The following CDH23 variants were observed in gnomAD, a reference collection of about 807,000 sequenced individuals.
CDH23 encodes the protein cadherin related 23.
A neutral mutation model predicts 317.1 loss-of-function variants in CDH23; 189 were observed. That is an observed-to-expected ratio of 0.60 (90% CI 0.53 to 0.67). The LOEUF is 0.67. Ranked by LOEUF, CDH23 falls within the 30% of genes least tolerant of loss-of-function variation. CDH23 has a pLI of 0.00. For missense variants in CDH23, 4,401 were observed against 4,592.4 expected (o/e 0.96, Z 1.20); for synonymous variants, 1,839 against 1,876.8 (o/e 0.98, Z 0.52).
In CDH23 at chr10:71,688,577, G is replaced by A. The variant is rs576395253; in HGVS notation, c.2059+858G>A. On this transcript the variant is annotated intron_variant, in intron 19 of 69. Transcript: ENST00000224721. ...CAGGGATGGTGGAGCCAGGGGTTGT[G>A]GAGTCAGGGGTGGTGGAGTCAGGGG... 4.0e-3 allele frequency among the ~76,000 whole-genome samples: 596 copies of A among 147,610 alleles called. 4 individuals are homozygous for A. The highest frequency in any genetic ancestry group is 0.014 in the African/African-American group (558 of 39,698).
intron 14 of CDH23, among the ~76,000 whole-genome samples, chr10:71,660,471 T>G (rs1665619): frequency 0.38 from 57,050 of 151,862 alleles, 11,167 homozygotes; most frequent in South Asian, 0.55. Context: ...TGGTCCCAGG[T>G]GGTTGCCAGA....
intron 6 of CDH23, among the ~76,000 whole-genome samples, chr10:71,565,151 C>A (rs1409031777): frequency 6.6e-6 from 1 of 151,620 alleles, no homozygotes; most frequent in Non-Finnish European, 1.5e-5. Flanking sequence ...AGAGAGAGGG[C>A]AGGACAGAGA....
chr10:71,799,433 G>C lies in CDH23; in HGVS notation c.7225-59G>C, dbSNP rs1387552103. The C allele has an allele frequency of 1.9e-6, 3 of 1,612,314 alleles. No individual in the cohort carries two copies. In the East Asian group the frequency reaches 6.7e-5, roughly 36 times the overall value. On this transcript the variant is annotated intron_variant, in intron 51 of 69. Transcript: ENST00000224721. ...GCCTGCATCAGTGAGTTCTAGGGCT[G>C]TGCTCGGGCTCTGGGACTGACCTTG...
chr10:71,420,281 G>A (rs1386260076), intron 1 of CDH23, among the ~76,000 whole-genome samples: 2 of 151,682 alleles, frequency 1.3e-5, no homozygotes, highest in Admixed American at 1.3e-4. Flanking sequence ...GGAATCCAGT[G>A]AAACTCTTCT....
intron 38 of CDH23, among the ~76,000 whole-genome samples, chr10:71,776,432 G>A (rs9415997): frequency 0.19 from 28,266 of 152,160 alleles, 2,740 homozygotes; most frequent in Middle Eastern, 0.31. Flanking sequence ...GCCTAGTCAC[G>A]TTCTCTCTAC....
At chr10:71,514,394 G>A (rs1001540158) in intron 6 of CDH23, among the ~76,000 whole-genome samples, 2 of 152,198 alleles carry the variant, frequency 1.3e-5, no homozygotes, top group African/African-American at 2.4e-5. Context: ...GTGCTGAGGG[G>A]TAGCCAATCT....
intron 11 of CDH23, among the ~76,000 whole-genome samples, chr10:71,625,708 TTGCGTTCCTGGC>T (rs1384638742): frequency 6.6e-6 from 1 of 152,204 alleles, no homozygotes; most frequent in African/African-American, 2.4e-5. Context: ...TCTGCAAAGG[TTGCGTTCCTGGC>T]TGCAGGCTTC....
rs536077961 is a variant in CDH23 at position 71,408,389 on chromosome 10, A to G, written c.-6+11071A>G. 2.5e-3 allele frequency among the ~76,000 whole-genome samples: 367 copies of G among 146,326 alleles called. 2 individuals carry two copies. The highest frequency in any genetic ancestry group is 0.014 in the Middle Eastern group (4 of 288). Reference sequence around the variant, plus strand: ...AGAAGAAGAGAGAGAGAGAGAGAGAAAGAGAGAGAATTGCATCTCCTTAGG... The same window carrying G: ...AGAAGAAGAGAGAGAGAGAGAGAGAGAGAGAGAGAATTGCATCTCCTTAGG... On this transcript the variant is annotated intron_variant, in intron 1 of 69. Coordinates refer to ENST00000224721, the MANE Select transcript of CDH23 (RefSeq NM_022124.6).
At chr10:71,647,852 C>T (rs1330250163) in intron 14 of CDH23, 1 of 152,238 alleles carries the variant, frequency 6.6e-6, no homozygotes. Context: ...ATGTGTGCTA[C>T]ACAAGCTCAG....
At chr10:71,690,969 T>A (rs1865165562) in intron 20 of CDH23, among the ~76,000 whole-genome samples, 1 of 152,200 alleles carries the variant, frequency 6.6e-6, no homozygotes, top group East Asian at 1.9e-4. Flanking sequence ...GATGTGTGCC[T>A]CAGTTTCCCC....
At chr10:71,557,575 T>A (rs1856932396) in intron 6 of CDH23, among the ~76,000 whole-genome samples, 1 of 152,230 alleles carries the variant, frequency 6.6e-6, no homozygotes, top group African/African-American at 2.4e-5. Context: ...TTCAGTAATT[T>A]TCAGAAAAAA....
At chr10:71,427,738 A>G (rs2131971793) in intron 1 of CDH23, among the ~76,000 whole-genome samples, 1 of 140,130 alleles carries the variant, frequency 7.1e-6, no homozygotes, top group African/African-American at 2.7e-5. Flanking sequence ...TTTTAGATGG[A>G]GTCTCACTCT....
intron 8 of CDH23, among the ~76,000 whole-genome samples, chr10:71,572,327 G>T (rs1400888589): frequency 2.0e-5 from 3 of 152,128 alleles, no homozygotes; most frequent in Non-Finnish European, 4.4e-5. Context: ...TACCTTCTCA[G>T]CATCAGGTCA....
intron 6 of CDH23, among the ~76,000 whole-genome samples, chr10:71,559,459 G>A (rs527506109): frequency 5.9e-5 from 9 of 152,314 alleles, no homozygotes; most frequent in East Asian, 1.9e-4. Context: ...AGGAAGAGGA[G>A]GGTGAAGAGT....
chr10:71,604,744 T>C (rs903078062), intron 9 of CDH23, among the ~76,000 whole-genome samples: 1 of 152,222 alleles, frequency 6.6e-6, no homozygotes, highest in East Asian at 1.9e-4. Context: ...TCCTGCAGAA[T>C]CTTCCAGGGC....
At chr10:71,558,082 C>T (rs1165137064) in intron 6 of CDH23, among the ~76,000 whole-genome samples, 4 of 60,354 alleles carry the variant, frequency 6.6e-5, no homozygotes, top group Middle Eastern at 0.015. Flanking sequence ...ACTGCAACAT[C>T]TCCCTCCTGG....
At chr10:71,648,173 C>A (rs892874605) in intron 14 of CDH23, among the ~76,000 whole-genome samples, 9 of 152,210 alleles carry the variant, frequency 5.9e-5, no homozygotes, top group Non-Finnish European at 1.0e-4. Context: ...GCGTCTCTAG[C>A]CCATGACTCC....
At chr10:71,632,709 A>T (rs12260631) in intron 11 of CDH23, among the ~76,000 whole-genome samples, 22 of 151,978 alleles carry the variant, frequency 1.4e-4, no homozygotes, top group Admixed American at 2.6e-4. Context: ...TCTTTACCTC[A>T]GTATAGCTCC....
chr10:71,416,935 C>T (rs1216621327), intron 1 of CDH23, among the ~76,000 whole-genome samples: 1 of 152,124 alleles, frequency 6.6e-6, no homozygotes, highest in Non-Finnish European at 1.5e-5. Flanking sequence ...CAAAAAGTCA[C>T]CTATAAGTTT....
Sources: gnomAD v4.1 joint callset for allele counts (sites outside exome capture counted in the v4.1 genomes callset) on GRCh38, gnomAD v4.1.1 for gene constraint, MANE v1.5 for transcripts, NCBI Gene and HGNC (gene_info 2026-07-23, HGNC 2026-07-21) for gene names.